UST: variants seen among roughly 807,000 people sequenced by gnomAD.
UST encodes chondroitin sulfate 2-O-sulfotransferase.
A neutral mutation model predicts 45.6 loss-of-function variants in UST; 21 were observed. The observed-to-expected ratio is 0.46, with a 90% CI of 0.33 to 0.66. UST has a LOEUF of 0.66. Ranked by LOEUF, UST falls within the 30% of genes least tolerant of loss-of-function variation. The pLI, the probability that UST is intolerant of heterozygous loss-of-function variation, is 0.02. For synonymous variants in UST, 215 were observed against 200.6 expected, an observed-to-expected ratio of 1.07 and a Z score of -0.61; for missense variants, 463 against 512.4, an observed-to-expected ratio of 0.90 and a Z score of 0.93.
At chr6:149,036,411 C>T (rs10457838) in intron 7 of UST, among the ~76,000 whole-genome samples, 37,681 of 152,128 alleles carry the variant, frequency 0.25, 4,705 homozygotes, top group Admixed American at 0.27. Context: ...TGGAGGCCTG[C>T]CTTCCACTGA....
chr6:149,056,706 G>A (rs1562341898), intron 7 of UST, among the ~76,000 whole-genome samples: 1 of 152,284 alleles, frequency 6.6e-6, no homozygotes, highest in East Asian at 1.9e-4. Context: ...CCCTAAGACT[G>A]AGTACTACCA....
At chr6:148,834,791 A>T (rs1036359268) in intron 1 of UST, among the ~76,000 whole-genome samples, 1 of 152,218 alleles carries the variant, frequency 6.6e-6, no homozygotes, top group Non-Finnish European at 1.5e-5. Flanking sequence ...GCTAGGCACT[A>T]TGCTATGTGG....
intron 2 of UST, among the ~76,000 whole-genome samples, chr6:148,920,930 A>G (rs1779693328): frequency 6.6e-6 from 1 of 152,248 alleles, no homozygotes; most frequent in East Asian, 1.9e-4. Context: ...CGTCAGAAGG[A>G]CAAACAGCAG....
At chr6:148,783,875 A>T (rs1309527968) in intron 1 of UST, among the ~76,000 whole-genome samples, 1 of 152,118 alleles carries the variant, frequency 6.6e-6, no homozygotes, top group Admixed American at 6.5e-5. Context: ...TGCACTATAG[A>T]TCTCATCCAA....
intron 1 of UST, among the ~76,000 whole-genome samples, chr6:148,825,606 T>C (rs901394332): frequency 2.6e-5 from 4 of 152,182 alleles, no homozygotes; most frequent in Non-Finnish European, 5.9e-5. Context: ...GTTCTGGTAA[T>C]GCATTATGGG....
At chr6:148,754,905 G>A (rs1432504033) in intron 1 of UST, among the ~76,000 whole-genome samples, 1 of 152,154 alleles carries the variant, frequency 6.6e-6, no homozygotes, top group East Asian at 1.9e-4. Context: ...AAAGAATCCT[G>A]GGGGTCTTGT....
chr6:149,043,031 TTC>T (rs1423897683), intron 7 of UST, among the ~76,000 whole-genome samples: 53 of 135,848 alleles, frequency 3.9e-4, no homozygotes, highest in South Asian at 1.6e-3. Flanking sequence ...TTTTCTTTCT[TTC>T]TTTCTTTCTT....
At chr6:149,025,399 T>G (rs1326776068) in intron 7 of UST, among the ~76,000 whole-genome samples, 3 of 152,200 alleles carry the variant, frequency 2.0e-5, no homozygotes, top group Non-Finnish European at 4.4e-5. Flanking sequence ...TAGTAAGTAC[T>G]TGAGATGAAA....
intron 5 of UST, among the ~76,000 whole-genome samples, chr6:148,995,062 T>C (rs1781425997): frequency 6.6e-6 from 1 of 152,194 alleles, no homozygotes; most frequent in African/African-American, 2.4e-5. Flanking sequence ...TCTCACTCTG[T>C]CGCACAAGCT....
At chr6:149,049,647 G>A (rs1582976673) in intron 7 of UST, among the ~76,000 whole-genome samples, 1 of 152,088 alleles carries the variant, frequency 6.6e-6, no homozygotes, top group African/African-American at 2.4e-5. Context: ...GGAATTGCTG[G>A]GAGCACACAG....
intron 7 of UST, among the ~76,000 whole-genome samples, chr6:149,068,890 G>T (rs181103493): frequency 1.3e-5 from 2 of 151,974 alleles, no homozygotes; most frequent in African/African-American, 4.8e-5. Context: ...TCTTCAGCCC[G>T]CTCTCCAACC....
intron 2 of UST, among the ~76,000 whole-genome samples, chr6:148,898,875 G>C (rs1582885381): frequency 6.6e-6 from 1 of 152,134 alleles, no homozygotes; most frequent in Non-Finnish European, 1.5e-5. Context: ...TTGGGGCTGG[G>C]CTGTCTATAA....
chr6:149,046,113 A>C (rs1262646108), intron 7 of UST, among the ~76,000 whole-genome samples: 1 of 152,220 alleles, frequency 6.6e-6, no homozygotes, highest in Non-Finnish European at 1.5e-5. Context: ...GCTTTAATGC[A>C]CTTAGAACAT....
chr6:148,811,955 A>G, intron 1 of UST, among the ~76,000 whole-genome samples: 1 of 152,238 alleles, frequency 6.6e-6, no homozygotes, highest in East Asian at 1.9e-4. Context: ...TTATTCATGG[A>G]GAGACATCAG....
chr6:148,877,379 G>T (rs1204974796), intron 1 of UST, among the ~76,000 whole-genome samples: 1 of 67,102 alleles, frequency 1.5e-5, no homozygotes. Context: ...GAGTGGGGGG[G>T]TCGTGTATGA....
chr6:148,823,923 A>G (rs1177367673), intron 1 of UST, among the ~76,000 whole-genome samples: 1 of 152,208 alleles, frequency 6.6e-6, no homozygotes, highest in Admixed American at 6.5e-5. Flanking sequence ...TGTCACTTAT[A>G]AATAATCAAA....
At chr6:149,020,801 C>A (rs1300104150) in intron 6 of UST, among the ~76,000 whole-genome samples, 2 of 152,110 alleles carry the variant, frequency 1.3e-5, no homozygotes, top group Admixed American at 1.3e-4. Context: ...GCAATCTAGA[C>A]AAACAAAATA....
At chr6:148,855,878 C>CAGGAACTA (rs1187937492) in intron 1 of UST, among the ~76,000 whole-genome samples, 1 of 152,158 alleles carries the variant, frequency 6.6e-6, no homozygotes, top group Non-Finnish European at 1.5e-5. Context: ...CTTGAGCTGG[C>CAGGAACTA]AGGAACTAGG....
chr6:149,044,807 C>T (rs190150258), intron 7 of UST, among the ~76,000 whole-genome samples: 4 of 152,248 alleles, frequency 2.6e-5, no homozygotes, highest in Admixed American at 2.6e-4. Context: ...ATGTTTTGGG[C>T]ACAAATAGCA....
Sources: gnomAD v4.1 joint callset for allele counts (sites outside exome capture counted in the v4.1 genomes callset) on GRCh38, gnomAD v4.1.1 for gene constraint, MANE v1.5 for transcripts, NCBI Gene and HGNC (gene_info 2026-07-23, HGNC 2026-07-21) for gene names.